The following GRID1 variants were observed in gnomAD, a reference collection of about 807,000 sequenced individuals.
GRID1 encodes glutamate ionotropic receptor delta type subunit 1.
Under a neutral mutation model 98.0 loss-of-function variants are expected in GRID1, and 28 were observed. That is an observed-to-expected ratio of 0.29 (90% confidence interval 0.21 to 0.39). The LOEUF is 0.39. GRID1 is among the 10% of genes least tolerant of loss of function. GRID1 has a pLI of 1.00. For synonymous variants in GRID1, 553 were observed against 538.5 expected (o/e 1.03, Z -0.37); for missense variants, 1,111 against 1,340.5 (o/e 0.83, Z 2.67).
At chr10:85,865,916 T>TATATATATATATATATATATATATATAC (rs1843211505) in intron 6 of GRID1, among the ~76,000 whole-genome samples, 1 of 83,022 alleles carries the variant, frequency 1.2e-5, no homozygotes, top group Non-Finnish European at 2.4e-5. Flanking sequence ...TATATACATA[T>TATATATATATATATATATATATATATAC]ATATATATAT....
rs538903335 is a variant in GRID1, at chr10:86,222,442, G to A, written c.236-15794C>T. On this transcript the variant is annotated intron_variant, in intron 2 of 15. Transcript: ENST00000327946. Reference sequence around the variant, plus strand: ...CCAGGGAAGGGGTGGTGGGAGCAGTGGGTCAGGTGGGGAGGAAAAGCGGGG... The same window carrying A: ...CCAGGGAAGGGGTGGTGGGAGCAGTAGGTCAGGTGGGGAGGAAAAGCGGGG... Among the ~76,000 whole-genome samples, 441 of 152,304 alleles carry A rather than the reference G, an allele frequency of 2.9e-3. 1 individual carries two copies. The highest frequency in any genetic ancestry group is 4.8e-3 in the Non-Finnish European group (327 of 68,032).
chr10:86,125,948 G>T (rs1002003341), intron 4 of GRID1, among the ~76,000 whole-genome samples: 7 of 152,110 alleles, frequency 4.6e-5, no homozygotes, highest in African/African-American at 1.4e-4. Context: ...AAGGCTTCTG[G>T]CCAACAGTAA....
At chr10:86,215,404 C>T (rs991053827) in intron 2 of GRID1, among the ~76,000 whole-genome samples, 2 of 152,228 alleles carry the variant, frequency 1.3e-5, no homozygotes, top group African/African-American at 2.4e-5. Context: ...AACCAATTCC[C>T]TGCTCCTGCA....
intron 4 of GRID1, among the ~76,000 whole-genome samples, chr10:85,921,310 A>G (rs1210784663): frequency 1.3e-5 from 2 of 152,220 alleles, no homozygotes; most frequent in Non-Finnish European, 1.5e-5. Flanking sequence ...AACTCCAGCT[A>G]AAGAAGGCCG....
intron 7 of GRID1, 152 bp from the exon 8 acceptor site, chr10:85,854,767 G>A (rs1200945816): frequency 1.4e-6 from 1 of 689,738 alleles, no homozygotes; most frequent in Non-Finnish European, 2.5e-6. Flanking sequence ...ATGGGCTAGT[G>A]GTCCTAGGCC....
intron 5 of GRID1, among the ~76,000 whole-genome samples, chr10:85,870,016 T>C (rs557412005): frequency 3.3e-5 from 5 of 152,298 alleles, no homozygotes; most frequent in South Asian, 2.1e-4. Flanking sequence ...ATGGTTAATA[T>C]TGAGTATCAA....
At chr10:85,939,646 T>C (rs997859130) in intron 4 of GRID1, among the ~76,000 whole-genome samples, 1 of 152,170 alleles carries the variant, frequency 6.6e-6, no homozygotes, top group East Asian at 1.9e-4. Context: ...GTGATTCCAT[T>C]GCGCCCACCT....
chr10:86,144,616 C>T (rs566559749), intron 3 of GRID1, among the ~76,000 whole-genome samples: 1 of 152,248 alleles, frequency 6.6e-6, no homozygotes, highest in African/African-American at 2.4e-5. Context: ...GGGCCCTCCT[C>T]GGTCTTTGTC....
At chr10:86,311,039 C>G (rs1847825154) in intron 2 of GRID1, among the ~76,000 whole-genome samples, 1 of 151,874 alleles carries the variant, frequency 6.6e-6, no homozygotes, top group Non-Finnish European at 1.5e-5. Flanking sequence ...AGAGGAGGGG[C>G]AGTGAGGACA....
chr10:86,098,205 A>G lies in GRID1; in HGVS notation c.726+40614T>C, dbSNP rs531110955. 1.2e-4 allele frequency among the ~76,000 whole-genome samples: 18 copies of G among 152,320 alleles called. No individual in the cohort carries two copies. The South Asian group carries it at 2.7e-3, about 23-fold the overall frequency. On this transcript the variant is annotated intron_variant, in intron 4 of 15. Transcript: ENST00000327946. ...CTTACTATTAAAAGGATGATCTTAA[A>G]TCACTCATATTCATCCCACCATCAC...
rs75834654 is a variant in GRID1 at position 86,270,992 on chromosome 10, G to C, written c.236-64344C>G. On this transcript the variant is annotated intron_variant, in intron 2 of 15. Coordinates refer to ENST00000327946, the MANE Select transcript of GRID1 (RefSeq NM_017551.3). ...TTGCAGATTTGGAGCTCAGAGTCTA[G>C]AGACAAAGGCTGCCAGAGTTCACAG... 6.0e-4 allele frequency among the ~76,000 whole-genome samples: 91 copies of C among 152,304 alleles called. 1 individual carries two copies. In the East Asian group the frequency reaches 0.017, roughly 29 times the overall value.
chr10:85,922,766 G>A (rs1260105168), intron 4 of GRID1, among the ~76,000 whole-genome samples: 1 of 152,182 alleles, frequency 6.6e-6, no homozygotes, highest in Non-Finnish European at 1.5e-5. Context: ...TGAAGAGCCT[G>A]TTTAAAAGGA....
chr10:86,078,001 C>A (rs1214109753), intron 4 of GRID1, among the ~76,000 whole-genome samples: 2 of 152,232 alleles, frequency 1.3e-5, no homozygotes, highest in Non-Finnish European at 2.9e-5. Flanking sequence ...AGCCAACATC[C>A]TGATGCATGG....
rs900773543 is a variant in GRID1 at position 85,777,712 on chromosome 10, T to C, written c.1234-48098A>G. ...CTTCTCAACTGGTCATAGCTCAGGA[T>C]AGGAGGATGAACTGACCATGGGACT... On this transcript the variant is annotated intron_variant, in intron 8 of 15. Transcript: ENST00000327946. Among the ~76,000 whole-genome samples, 6 of 152,240 alleles carry C rather than the reference T, an allele frequency of 3.9e-5. 1 individual carries two copies. The highest frequency in any genetic ancestry group is 4.1e-4 in the South Asian group (2 of 4,832).
intron 2 of GRID1, among the ~76,000 whole-genome samples, chr10:86,241,103 C>T (rs1337666317): frequency 6.6e-6 from 1 of 152,212 alleles, no homozygotes; most frequent in African/African-American, 2.4e-5. Context: ...GGCCACTGCC[C>T]AGTGCTCTGT....
chr10:86,114,938 T>C (rs1468306653), intron 4 of GRID1, among the ~76,000 whole-genome samples: 2 of 152,166 alleles, frequency 1.3e-5, no homozygotes. Context: ...TGACAGCAGG[T>C]AAGAATCCAC....
rs140255350 is a variant in GRID1 at position 85,611,489 on chromosome 10, T to C, written c.2601+1918A>G. Reference sequence around the variant, plus strand: ...TTTCATCCACCTGGAGACCCTCCCCTGCTCCGCTGACACAAGGGGCCTTTG... The same window carrying C: ...TTTCATCCACCTGGAGACCCTCCCCCGCTCCGCTGACACAAGGGGCCTTTG... On this transcript the variant is annotated intron_variant, in intron 15 of 15. Coordinates refer to ENST00000327946, the MANE Select transcript of GRID1 (RefSeq NM_017551.3). 5.8e-3 allele frequency among the ~76,000 whole-genome samples: 889 copies of C among 152,268 alleles called. 9 individuals are homozygous for C. Among genetic ancestry groups the C allele is most frequent in the African/African-American group, 0.019 (785 of 41,560 alleles).
chr10:86,243,657 TAGTC>T (rs1257515349), intron 2 of GRID1, among the ~76,000 whole-genome samples: 2 of 152,096 alleles, frequency 1.3e-5, no homozygotes, highest in African/African-American at 4.8e-5. Flanking sequence ...TTTTCAAAAA[TAGTC>T]TGAGTGAGGG....
intron 2 of GRID1, among the ~76,000 whole-genome samples, chr10:86,343,275 AT>A (rs1370983852): frequency 6.6e-6 from 1 of 152,238 alleles, no homozygotes; most frequent in African/African-American, 2.4e-5. Flanking sequence ...TAACAAAAAA[AT>A]CTGTATCTAC....
Sources: gnomAD v4.1 joint callset for allele counts (sites outside exome capture counted in the v4.1 genomes callset) on GRCh38, gnomAD v4.1.1 for gene constraint, MANE v1.5 for transcripts, NCBI Gene and HGNC (gene_info 2026-07-23, HGNC 2026-07-21) for gene names.